CSMD1: variants seen among roughly 807,000 people sequenced by gnomAD.
CSMD1 encodes CUB and sushi domain-containing protein 1.
In CSMD1, 213 loss-of-function variants were observed where a neutral mutation model predicts 417.5. The ratio of observed to expected loss-of-function variants is 0.51; its 90% confidence interval spans 0.46 to 0.57. The LOEUF is 0.57. Ranked by LOEUF, CSMD1 falls within the 20% of genes least tolerant of loss-of-function variation. CSMD1 has a pLI of 0.00. For synonymous variants in CSMD1, 2,862 were observed against 1,736.8 expected, an observed-to-expected ratio of 1.65 and a Z score of -16.11; for missense variants, 6,923 against 4,529.7, an observed-to-expected ratio of 1.53 and a Z score of -15.17.
rs190440539 is a variant in CSMD1, at chr8:3,535,025, G to A, written c.1344+39920C>T. 1.1e-3 allele frequency among the ~76,000 whole-genome samples: 172 copies of A among 152,270 alleles called. 6 individuals carry two copies. The South Asian group carries it at 0.026, about 23-fold the overall frequency. On this transcript the variant is annotated intron_variant, in intron 10 of 69. Coordinates refer to ENST00000635120, the MANE Select transcript of CSMD1 (RefSeq NM_033225.6). ...TGCAGTGGTGCAATCAGAACTCACCGTAGCATTCAACTCCTGGGCTTAAGC... is the reference window on the plus strand; with the variant it reads ...TGCAGTGGTGCAATCAGAACTCACCATAGCATTCAACTCCTGGGCTTAAGC...
chr8:4,562,697 G>C (rs1308963463), intron 2 of CSMD1, among the ~76,000 whole-genome samples: 1 of 152,092 alleles, frequency 6.6e-6, no homozygotes, highest in African/African-American at 2.4e-5. Flanking sequence ...TTCAGGCCCA[G>C]AACACCATCA....
At chr8:3,553,388 C>CA (rs1799002378) in intron 10 of CSMD1, among the ~76,000 whole-genome samples, 1 of 152,164 alleles carries the variant, frequency 6.6e-6, no homozygotes, top group Non-Finnish European at 1.5e-5. Context: ...ATGAAACAGA[C>CA]AGAGTGTGAC....
chr8:4,296,918 A>G (rs1797718981), intron 3 of CSMD1, among the ~76,000 whole-genome samples: 3 of 152,094 alleles, frequency 2.0e-5, no homozygotes, highest in African/African-American at 7.2e-5. Context: ...ATTCCTGTGC[A>G]TGAGTGATGG....
At chr8:3,988,891 A>G (rs1814531348) in intron 5 of CSMD1, among the ~76,000 whole-genome samples, 1 of 152,234 alleles carries the variant, frequency 6.6e-6, no homozygotes, top group Non-Finnish European at 1.5e-5. Flanking sequence ...ATTCATAACC[A>G]AAGTAAGATC....
intron 3 of CSMD1, among the ~76,000 whole-genome samples, chr8:4,409,468 C>G (rs1796524771): frequency 6.6e-6 from 1 of 152,092 alleles, no homozygotes; most frequent in Non-Finnish European, 1.5e-5. Flanking sequence ...GCAAGAATGC[C>G]TATCTACCTA....
At chr8:3,530,841 T>A (rs1797950202) in intron 10 of CSMD1, among the ~76,000 whole-genome samples, 1 of 147,004 alleles carries the variant, frequency 6.8e-6, no homozygotes, top group Admixed American at 6.9e-5. Context: ...CTGCAGTGAA[T>A]CTTGACGCCT....
chr8:4,757,596 AT>A (rs1452871858), intron 1 of CSMD1, among the ~76,000 whole-genome samples: 1 of 152,192 alleles, frequency 6.6e-6, no homozygotes, highest in African/African-American at 2.4e-5. Context: ...TACAGGAGAC[AT>A]ATCTCTACCA....
At chr8:3,565,420 T>C (rs1333692065) in intron 10 of CSMD1, among the ~76,000 whole-genome samples, 1 of 152,182 alleles carries the variant, frequency 6.6e-6, no homozygotes, top group Admixed American at 6.5e-5. Flanking sequence ...AAGGGTGGTG[T>C]GTCTAATCTC....
chr8:4,896,661 T>C (rs1378242544), intron 1 of CSMD1, among the ~76,000 whole-genome samples: 1 of 152,114 alleles, frequency 6.6e-6, no homozygotes, highest in African/African-American at 2.4e-5. Context: ...ATATTGGAAA[T>C]TTTTTCCGGG....
Position 3,308,276 on chromosome 8 carries a change from GCTTTTGCACAATGGTATGA to G in CSMD1, c.3823+17_3823+35del, listed in dbSNP as rs1805044583. ...CATGGTGCAAGCACCCTAAGGCCTG[GCTTTTGCACAATGGTATGA>G]CTGCTTCCACACTCACCTATGCACG... is the stretch of plus-strand genomic sequence containing the variant. On this transcript the variant is annotated intron_variant, in intron 24 of 69. Coordinates refer to ENST00000635120, the MANE Select transcript of CSMD1 (RefSeq NM_033225.6). 1 of 1,550,314 alleles carries G rather than the reference GCTTTTGCACAATGGTATGA, an allele frequency of 6.5e-7. No homozygotes were observed. The highest frequency in any genetic ancestry group is 1.4e-5 in the African/African-American group (1 of 73,752).
intron 1 of CSMD1, among the ~76,000 whole-genome samples, chr8:4,785,577 C>G (rs536099995): frequency 2.0e-5 from 3 of 152,112 alleles, no homozygotes; most frequent in Admixed American, 2.0e-4. Context: ...TAGTCCTGAG[C>G]CACTTGGAAG....
At chr8:4,918,949 A>G (rs1265541849) in intron 1 of CSMD1, among the ~76,000 whole-genome samples, 1 of 152,186 alleles carries the variant, frequency 6.6e-6, no homozygotes, top group South Asian at 2.1e-4. Flanking sequence ...TGTTTGGTTT[A>G]TATTTTTTTC....
intron 12 of CSMD1, among the ~76,000 whole-genome samples, chr8:3,441,359 T>C (rs1052902143): frequency 2.0e-5 from 3 of 152,132 alleles, no homozygotes; most frequent in Admixed American, 6.6e-5. Context: ...ATGCTTTTTG[T>C]GCATCGACTG....
Position 4,179,874 on chromosome 8 carries a change from T to G in CSMD1, c.416-147775A>C, listed in dbSNP as rs530095977. Among the ~76,000 whole-genome samples the G allele has an allele frequency of 4.6e-5, 7 of 152,148 alleles. No homozygotes were observed. In the South Asian group the frequency reaches 1.5e-3, roughly 32 times the overall value. On this transcript the variant is annotated intron_variant, in intron 3 of 69. Transcript: ENST00000635120. ...AGAGAAATGCAAACCAAAACCACAA[T>G]GAGATACCATCTCACACCAGTTAGA...
intron 40 of CSMD1, 140 bp from the exon 41 acceptor site, chr8:3,142,814 T>TGG: frequency 1.3e-6 from 1 of 771,072 alleles, no homozygotes; most frequent in Non-Finnish European, 2.1e-6. Flanking sequence ...GAGGACGGCA[T>TGG]TCACTGTGGA....
chr8:4,289,035 G>A (rs1194320833), intron 3 of CSMD1, among the ~76,000 whole-genome samples: 3 of 152,118 alleles, frequency 2.0e-5, no homozygotes, highest in Non-Finnish European at 4.4e-5. Context: ...AGCAATGACT[G>A]TCATAATGAG....
At chr8:3,273,452 G>T (rs1216455054) in intron 26 of CSMD1, among the ~76,000 whole-genome samples, 1 of 151,376 alleles carries the variant, frequency 6.6e-6, no homozygotes, top group Admixed American at 6.6e-5. Flanking sequence ...CTCATAAAAT[G>T]AGTTAGGGAG....
chr8:4,006,498 C>T (rs576227846), intron 4 of CSMD1, among the ~76,000 whole-genome samples: 64 of 152,302 alleles, frequency 4.2e-4, no homozygotes, highest in African/African-American at 1.4e-3. Context: ...GAGCCAAGAT[C>T]ACCCCACTGC....
At chr8:4,597,194 G>A (rs78310048) in intron 2 of CSMD1, among the ~76,000 whole-genome samples, 8,282 of 152,132 alleles carry the variant, frequency 0.054, 347 homozygotes, top group South Asian at 0.2. Flanking sequence ...TTGTGATGCT[G>A]ATTGAATGAA....
Sources: allele counts gnomAD v4.1 joint callset (sites outside exome capture counted in the v4.1 genomes callset), GRCh38; gene constraint gnomAD v4.1.1; transcripts MANE v1.5; gene names NCBI Gene and HGNC (gene_info 2026-07-23, HGNC 2026-07-21).